KCNQ5: variants seen among roughly 807,000 people sequenced by gnomAD.
KCNQ5 encodes potassium voltage-gated channel subfamily KQT member 5.
Under a neutral mutation model 98.2 loss-of-function variants are expected in KCNQ5, and 30 were observed. The ratio of observed to expected loss-of-function variants is 0.31; its 90% confidence interval spans 0.23 to 0.41. The LOEUF (loss-of-function observed/expected upper bound fraction) is 0.41. Ranked by LOEUF, KCNQ5 falls within the 10% of genes least tolerant of loss-of-function variation. The pLI, the probability that KCNQ5 is intolerant of heterozygous loss-of-function variation, is 1.00. For synonymous variants in KCNQ5, 458 were observed against 449.4 expected, an observed-to-expected ratio of 1.02 and a Z score of -0.24; for missense variants, 835 against 1,182.5, an observed-to-expected ratio of 0.71 and a Z score of 4.31.
At chr6:73,142,125 C>A (rs1247810555) in intron 10 of KCNQ5, among the ~76,000 whole-genome samples, 1 of 152,148 alleles carries the variant, frequency 6.6e-6, no homozygotes, top group Non-Finnish European at 1.5e-5. Flanking sequence ...CCAGAGAGAG[C>A]TGAGAGAGTA....
chr6:73,123,496 A>G (rs1775827324), intron 8 of KCNQ5, among the ~76,000 whole-genome samples: 1 of 152,152 alleles, frequency 6.6e-6, no homozygotes, highest in Admixed American at 6.5e-5. Flanking sequence ...GGGAGGAGGG[A>G]CACTCAAACC....
At chr6:72,781,001 T>A (rs1035093969) in intron 1 of KCNQ5, among the ~76,000 whole-genome samples, 13 of 152,214 alleles carry the variant, frequency 8.5e-5, no homozygotes, top group Non-Finnish European at 7.3e-5. Flanking sequence ...ATAAATCTTC[T>A]GACACTAATA....
intron 2 of KCNQ5, among the ~76,000 whole-genome samples, chr6:73,013,429 G>A (rs75796513): frequency 2.5e-4 from 38 of 152,236 alleles, no homozygotes; most frequent in Non-Finnish European, 4.4e-4. Flanking sequence ...ACTCAAGAAC[G>A]TGTATGAAAC....
At chr6:72,920,725 A>G (rs1044811259) in intron 1 of KCNQ5, among the ~76,000 whole-genome samples, 26 of 152,280 alleles carry the variant, frequency 1.7e-4, no homozygotes, top group African/African-American at 5.5e-4. Context: ...ACCAGCCAAT[A>G]CTTTTTATAT....
intron 1 of KCNQ5, among the ~76,000 whole-genome samples, chr6:72,636,212 A>C (rs1039607678): frequency 5.9e-5 from 9 of 152,226 alleles, no homozygotes; most frequent in Non-Finnish European, 1.0e-4. Context: ...AAAGAAGTCC[A>C]AATATATTTG....
intron 6 of KCNQ5, among the ~76,000 whole-genome samples, chr6:73,109,159 G>A (rs1288146387): frequency 6.6e-6 from 1 of 152,210 alleles, no homozygotes; most frequent in African/African-American, 2.4e-5. Context: ...TGTACAGTCT[G>A]GCACAAGAAA....
At chr6:73,112,375 C>G (rs6453637) in intron 7 of KCNQ5, among the ~76,000 whole-genome samples, 143,364 of 149,780 alleles carry the variant, frequency 0.96, 68,608 homozygotes, top group South Asian at 0.98. Flanking sequence ...AGACAGAGTC[C>G]CGCTTTGTCG....
chr6:73,129,333 A>G (rs1447661323), intron 9 of KCNQ5, among the ~76,000 whole-genome samples: 2 of 128,634 alleles, frequency 1.6e-5, no homozygotes, highest in Non-Finnish European at 3.4e-5. Flanking sequence ...ATATTCTGAC[A>G]ATTGGTTACC....
chr6:72,626,491 C>T (rs572688949), intron 1 of KCNQ5, among the ~76,000 whole-genome samples: 1 of 152,196 alleles, frequency 6.6e-6, no homozygotes, highest in Non-Finnish European at 1.5e-5. Flanking sequence ...TGGATAGATT[C>T]TGATGCTGAC....
chr6:72,863,368 A>G (rs1400738824), intron 1 of KCNQ5, among the ~76,000 whole-genome samples: 1 of 152,208 alleles, frequency 6.6e-6, no homozygotes, highest in African/African-American at 2.4e-5. Flanking sequence ...TAACACCATA[A>G]ATCACACTCA....
chr6:72,705,057 C>G (rs1390493773), intron 1 of KCNQ5, among the ~76,000 whole-genome samples: 1 of 152,092 alleles, frequency 6.6e-6, no homozygotes, highest in East Asian at 1.9e-4. Context: ...TCTTTTCTGC[C>G]TCTCTGCCTT....
At chr6:72,837,449 G>T (rs1776553066) in intron 1 of KCNQ5, among the ~76,000 whole-genome samples, 1 of 148,578 alleles carries the variant, frequency 6.7e-6, no homozygotes, top group Non-Finnish European at 1.5e-5. Context: ...CCTTGCCTTT[G>T]TATGTAACAC....
intron 3 of KCNQ5, among the ~76,000 whole-genome samples, chr6:73,059,203 T>C (rs1203611258): frequency 3.3e-5 from 5 of 152,138 alleles, no homozygotes; most frequent in Non-Finnish European, 7.4e-5. Context: ...GAAAATGTGG[T>C]ACATATACAC....
At chr6:72,930,599 A>C (rs887753665) in intron 1 of KCNQ5, among the ~76,000 whole-genome samples, 8 of 150,970 alleles carry the variant, frequency 5.3e-5, no homozygotes, top group Admixed American at 2.0e-4. Context: ...AAAAAAAAAA[A>C]CCGCTCAAAT....
chr6:72,930,159 T>C (rs1312038318), intron 1 of KCNQ5, among the ~76,000 whole-genome samples: 1 of 152,104 alleles, frequency 6.6e-6, no homozygotes, highest in Non-Finnish European at 1.5e-5. Flanking sequence ...TGTCTCATCA[T>C]AGAGCTGAAC....
At chr6:72,747,314 T>C (rs2840793) in intron 1 of KCNQ5, among the ~76,000 whole-genome samples, 53,957 of 152,092 alleles carry the variant, frequency 0.35, 10,983 homozygotes, top group Middle Eastern at 0.5. Flanking sequence ...AATGCATTAA[T>C]AAAGAATTCT....
At chr6:73,055,974 T>C in intron 3 of KCNQ5, 1 of 401,472 alleles carries the variant, frequency 2.5e-6, no homozygotes, top group Non-Finnish European at 4.8e-6. Context: ...TGGGGACCGG[T>C]GGCTCCCATT....
intron 1 of KCNQ5, among the ~76,000 whole-genome samples, chr6:72,658,578 A>ATATATATATTT (rs1226386362): frequency 0.014 from 1,092 of 76,284 alleles, 15 homozygotes; most frequent in Non-Finnish European, 0.026. Context: ...ATATATATAT[A>ATATATATATTT]TTTTTTTTTT....
chr6:72,795,443 A>C (rs952534072), intron 1 of KCNQ5, among the ~76,000 whole-genome samples: 27 of 152,358 alleles, frequency 1.8e-4, no homozygotes, highest in African/African-American at 6.5e-4. Context: ...ATAAATTTTA[A>C]TTTTGTACAT....
Sources: allele counts gnomAD v4.1 joint callset (sites outside exome capture counted in the v4.1 genomes callset), GRCh38; gene constraint gnomAD v4.1.1; transcripts MANE v1.5; gene names NCBI Gene and HGNC (gene_info 2026-07-23, HGNC 2026-07-21).